Variants in ACSL5 observed in about 807,000 individuals in gnomAD.
ACSL5 encodes acyl-CoA synthetase long chain family member 5, also known as long-chain-fatty-acid--CoA ligase 5.
In ACSL5, 50 loss-of-function variants were observed where a neutral mutation model predicts 84.9. That is an observed-to-expected ratio of 0.59 (90% CI 0.47 to 0.75). The LOEUF is 0.75. Among genes scored for constraint, ACSL5 ranks in the 30% least tolerant of loss-of-function variants. The probability of loss-of-function intolerance (pLI) is 0.00; values close to 1 mark genes in which losing one functional copy is unlikely to be tolerated. For synonymous variants in ACSL5, 280 were observed against 300.7 expected (o/e 0.93, Z 0.71); for missense variants, 775 against 830.4 (o/e 0.93, Z 0.82).
At chr10:112,397,008 C>G (rs1843761420) in intron 2 of ACSL5, among the ~76,000 whole-genome samples, 2 of 152,004 alleles carry the variant, frequency 1.3e-5, no homozygotes, top group Non-Finnish European at 2.9e-5. Context: ...TTGTTGAATG[C>G]TTATTTAATT....
At chr10:112,389,896 T>C (rs576963919) in intron 1 of ACSL5, among the ~76,000 whole-genome samples, 2 of 152,168 alleles carry the variant, frequency 1.3e-5, no homozygotes, top group South Asian at 4.1e-4. Context: ...AGCGCTAATC[T>C]TGTAAGGTTA....
At chr10:112,413,142 T>G in intron 11 of ACSL5, 31 bp from the exon 12 acceptor site, 1 of 1,612,480 alleles carries the variant, frequency 6.2e-7, no homozygotes, top group Non-Finnish European at 8.5e-7. Flanking sequence ...GTTGTTTGCC[T>G]CTAAGCTCTA....
intron 1 of ACSL5, among the ~76,000 whole-genome samples, chr10:112,382,541 G>C (rs981690663): frequency 6.6e-6 from 1 of 152,158 alleles, no homozygotes; most frequent in Non-Finnish European, 1.5e-5. Flanking sequence ...AGCCTCACTG[G>C]GACCCAAACC....
At chr10:112,411,424 G>GT in intron 9 of ACSL5, 32 bp from the exon 10 acceptor site, 1 of 1,565,342 alleles carries the variant, frequency 6.4e-7, no homozygotes, top group Non-Finnish European at 8.8e-7. Flanking sequence ...GCTACATAAA[G>GT]TATCTTTCTC....
intron 2 of ACSL5, chr10:112,395,740 C>T (rs1843733521): frequency 6.6e-6 from 1 of 152,302 alleles, no homozygotes; most frequent in Non-Finnish European, 1.5e-5. Flanking sequence ...ATCCTTCCTT[C>T]TGCGCCCATG....
At chr10:112,401,346 C>T (rs1372799080) in intron 3 of ACSL5, among the ~76,000 whole-genome samples, 1 of 152,238 alleles carries the variant, frequency 6.6e-6, no homozygotes, top group Admixed American at 6.5e-5. Flanking sequence ...TCTGGTTACA[C>T]CTTAGGTTCA....
Position 112,416,957 on chromosome 10 carries a change from G to A in ACSL5, c.1153G>A (p.Glu385Lys), listed in dbSNP as rs148180719. 13 of 1,613,934 alleles carry A rather than the reference G, an allele frequency of 8.1e-6. No individual in the cohort carries two copies. In the African/African-American group the frequency reaches 1.6e-4, roughly 20 times the overall value. ...LKLAVSSKFK[E>K]LQKGIIRHDS... ...GCTGGCTGTTTCCAGTAAATTCAAA[G>A]AGCTTCAAAAGGGTATCATCAGGCA... The change falls in exon 13 of 21, where the codon GAG (glutamate) becomes AAG (lysine). Residue 385 changes from glutamate (E) to lysine (K), a missense_variant. Glu to Lys is a moderately conservative substitution (Grantham distance 56). Coordinates refer to ENST00000354655, the MANE Select transcript of ACSL5 (RefSeq NM_203379.2).
chr10:112,376,538 C>G (rs1251330569), intron 1 of ACSL5: 1 of 1,555,782 alleles, frequency 6.4e-7, no homozygotes, highest in African/African-American at 1.4e-5. Context: ...CCCCGACTTT[C>G]TTTAAGCGAC....
In ACSL5 at chr10:112,398,891, T is replaced by G; in HGVS notation, c.157-10T>G. The G allele has an allele frequency of 6.2e-7, 1 of 1,612,984 alleles. No homozygotes were observed. The highest frequency in any genetic ancestry group is 8.5e-7 in the Non-Finnish European group (1 of 1,178,972). On this transcript the variant is annotated splice_polypyrimidine_tract_variant and intron_variant, in intron 2 of 20. Coordinates refer to ENST00000354655, the MANE Select transcript of ACSL5 (RefSeq NM_203379.2). Reference sequence around the variant, plus strand: ...CTTGAACTTGGCCTAAACTTGGTCTTGTGTCTTAGGGAGGAGCACGGAAGG... The same window carrying G: ...CTTGAACTTGGCCTAAACTTGGTCTGGTGTCTTAGGGAGGAGCACGGAAGG...
intron 3 of ACSL5, among the ~76,000 whole-genome samples, chr10:112,401,883 CTTCTTTCTTTCTTTCCTT>C (rs1274265099): frequency 9.3e-6 from 1 of 107,830 alleles, no homozygotes; most frequent in Non-Finnish European, 1.9e-5. Flanking sequence ...TCTTTCTTTC[CTTCTTTCTTTCTTTCCTT>C]TTCTTTCTTT....
At position 112,394,899 on chromosome 10, in the gene ACSL5, C is replaced by A. The variant is rs762155493; in HGVS notation, c.-29-19C>A. 2.5e-6 allele frequency: 4 copies of A among 1,608,434 alleles called. No individual in the cohort carries two copies. ...TGGCCATTTCCTCTAAATTTTCTTTCCCCTGTTTTTTTTTTAAGGTCTGAA... is the reference window on the plus strand; with the variant it reads ...TGGCCATTTCCTCTAAATTTTCTTTACCCTGTTTTTTTTTTAAGGTCTGAA... On this transcript the variant is annotated intron_variant, in intron 1 of 20. Coordinates refer to ENST00000354655, the MANE Select transcript of ACSL5 (RefSeq NM_203379.2).
rs1004831081 is a variant in ACSL5, at chr10:112,426,488, G to A, written c.1839+129G>A. On this transcript the variant is annotated intron_variant, in intron 19 of 20. Coordinates refer to ENST00000354655, the MANE Select transcript of ACSL5 (RefSeq NM_203379.2). ...CAGACTGAATAGTTTTATGGGACTC[G>A]GGGATAGGATGGAGAGTTTAAAAAA... 2.6e-5 allele frequency: 19 copies of A among 728,576 alleles called. No homozygotes were observed. The Admixed American group carries it at 2.7e-4, about 10-fold the overall frequency. 45.1% of individuals were successfully genotyped at this position (728,576 alleles called of 1,614,324 possible).
At chr10:112,410,270 C>G in intron 7 of ACSL5, 193 bp from the exon 8 acceptor site, 1 of 1,539,800 alleles carries the variant, frequency 6.5e-7, no homozygotes, top group Non-Finnish European at 8.8e-7. Context: ...AGATGATTTT[C>G]TAGAGAAATC....
At chr10:112,385,147 G>A (rs1245022721) in intron 1 of ACSL5, among the ~76,000 whole-genome samples, 1 of 152,166 alleles carries the variant, frequency 6.6e-6, no homozygotes, top group Non-Finnish European at 1.5e-5. Flanking sequence ...GCCAGCCATG[G>A]TTCTAAGCAC....
intron 12 of ACSL5, among the ~76,000 whole-genome samples, chr10:112,416,602 C>G (rs1391312765): frequency 6.6e-6 from 1 of 152,086 alleles, no homozygotes; most frequent in Non-Finnish European, 1.5e-5. Flanking sequence ...TAGTACCCCC[C>G]AGGTGACTTT....
intron 12 of ACSL5, among the ~76,000 whole-genome samples, chr10:112,416,299 G>A (rs1311745253): frequency 5.9e-5 from 9 of 151,970 alleles, no homozygotes; most frequent in Non-Finnish European, 8.8e-5. Context: ...GTGAAACCCT[G>A]TCTCTACTAA....
chr10:112,379,173 G>A (rs1456777362), intron 1 of ACSL5, among the ~76,000 whole-genome samples: 1 of 152,190 alleles, frequency 6.6e-6, no homozygotes, highest in Non-Finnish European at 1.5e-5. Flanking sequence ...GGGAGGCCGA[G>A]GCAGGCAGAT....
Position 112,411,943 on chromosome 10 carries a change from C to T in ACSL5, c.912C>T (p.Tyr304=). Reference sequence around the variant, plus strand: ...CTCCTGATGATGTGGCCATATCCTACCTCCCTCTGGCTCATATGTTTGAGA... The same window carrying T: ...CTCCTGATGATGTGGCCATATCCTATCTCCCTCTGGCTCATATGTTTGAGA... ...EPTPDDVAIS[Y]LPLAHMFERI... is the part of the protein sequence containing the mutation. The change falls in exon 11 of 21, where the codon TAC becomes TAT. Residue 304 remains tyrosine (Y), a synonymous_variant. Transcript: ENST00000354655. 1 of 1,614,072 alleles carries T rather than the reference C, an allele frequency of 6.2e-7. No individual in the cohort carries two copies. Among genetic ancestry groups the T allele is most frequent in the Non-Finnish European group, 8.5e-7 (1 of 1,179,906 alleles).
At chr10:112,380,868 A>G (rs140921348) in intron 1 of ACSL5, among the ~76,000 whole-genome samples, 2 of 151,768 alleles carry the variant, frequency 1.3e-5, no homozygotes, top group East Asian at 3.9e-4. Context: ...TACAACCTCA[A>G]CCTCCCAGGC....
Sources: gnomAD v4.1 joint callset for allele counts (sites outside exome capture counted in the v4.1 genomes callset) on GRCh38, gnomAD v4.1.1 for gene constraint, MANE v1.5 for transcripts, NCBI Gene and HGNC (gene_info 2026-07-23, HGNC 2026-07-21) for gene names.